Variants in GRK3 observed in about 807,000 individuals in gnomAD.
GRK3 encodes the protein G protein-coupled receptor kinase 3, also known as adrenergic, beta, receptor kinase 2.
Under a neutral mutation model 95.7 loss-of-function variants are expected in GRK3, and 54 were observed. The ratio of observed to expected loss-of-function variants is 0.56; its 90% confidence interval spans 0.45 to 0.71. GRK3 has a LOEUF of 0.71. Ranked by LOEUF, GRK3 falls within the 30% of genes least tolerant of loss-of-function variation. The probability of loss-of-function intolerance (pLI) is 0.00; values close to 1 mark genes in which losing one functional copy is unlikely to be tolerated. For synonymous variants in GRK3, 281 were observed against 290.8 expected, an observed-to-expected ratio of 0.97 and a Z score of 0.34; for missense variants, 649 against 851.2, an observed-to-expected ratio of 0.76 and a Z score of 2.96.
At position 25,728,795 on chromosome 22, in the gene GRK3, G is replaced by C. The variant is rs2085494060; in HGVS notation, c.*6345G>C. 6.6e-6 allele frequency: 1 copy of C among 152,118 alleles called. No individual in the cohort carries two copies. Among genetic ancestry groups the C allele is most frequent in the Non-Finnish European group, 1.5e-5 (1 of 68,028 alleles). The allele number at this position is 152,118 out of a possible 1,614,324, so 9.4% of individuals were successfully genotyped here. ...CATACATGACTGAAACTTTGTGAGA[G>C]GTCTTATATTTGAATGGACCCTTAA... On this transcript the variant is annotated 3_prime_UTR_variant, in exon 21 of 21. Transcript: ENST00000324198.
Position 25,675,660 on chromosome 22 carries a change from T to A in GRK3, c.647+1132T>A, listed in dbSNP as rs372596748. On this transcript the variant is annotated intron_variant, in intron 8 of 20. Transcript: ENST00000324198. ...GGGAGAAGGGGTGTTTGAGGCCCCCTAATTCAGTGCCTGCCTCCGGTCAGC... is the reference window on the plus strand; with the variant it reads ...GGGAGAAGGGGTGTTTGAGGCCCCCAAATTCAGTGCCTGCCTCCGGTCAGC... Among the ~76,000 whole-genome samples the A allele has an allele frequency of 1.8e-4, 27 of 152,342 alleles. No individual in the cohort carries two copies. The East Asian group carries it at 3.5e-3, about 20-fold the overall frequency.
chr22:25,686,094 C>T (rs1213567672), intron 10 of GRK3, among the ~76,000 whole-genome samples: 21 of 151,330 alleles, frequency 1.4e-4, no homozygotes, highest in East Asian at 1.9e-4. Flanking sequence ...TGGTGGTGGG[C>T]GCCTATAGTC....
rs189998454 is a variant in GRK3, at chr22:25,679,296, C to T, written c.747+381C>T. 1.2e-4 allele frequency among the ~76,000 whole-genome samples: 18 copies of T among 152,212 alleles called. 1 individual carries two copies. The highest frequency in any genetic ancestry group is 9.8e-4 in the Admixed American group (15 of 15,292). ...AAAAGTGGCTTCTGTCCTTCAGAAG[C>T]GAATCGAGAGAAGCGACTTGGATTA... On this transcript the variant is annotated intron_variant, in intron 9 of 20. Coordinates refer to ENST00000324198, the MANE Select transcript of GRK3 (RefSeq NM_005160.4).
chr22:25,605,669 T>C (rs1290969357), intron 2 of GRK3, among the ~76,000 whole-genome samples: 1 of 152,268 alleles, frequency 6.6e-6, no homozygotes, highest in Non-Finnish European at 1.5e-5. Flanking sequence ...CCATCTGCAC[T>C]GCCTAATTTT....
intron 19 of GRK3, among the ~76,000 whole-genome samples, chr22:25,719,194 G>T (rs1216700313): frequency 6.8e-6 from 1 of 146,644 alleles, no homozygotes; most frequent in Admixed American, 6.7e-5. Flanking sequence ...GTCAAGTGCT[G>T]TTAAAAAAAA....
intron 1 of GRK3, among the ~76,000 whole-genome samples, chr22:25,589,387 A>G (rs764677827): frequency 5.9e-5 from 9 of 152,198 alleles, no homozygotes; most frequent in Non-Finnish European, 1.2e-4. Context: ...CCACTTTCGT[A>G]GTAGAAAATA....
intron 19 of GRK3, among the ~76,000 whole-genome samples, chr22:25,719,914 T>G (rs2085418041): frequency 1.3e-5 from 2 of 152,350 alleles, no homozygotes; most frequent in Non-Finnish European, 2.9e-5. Flanking sequence ...TGATTACAAT[T>G]GCATATCACT....
At chr22:25,578,900 T>C (rs1390346511) in intron 1 of GRK3, among the ~76,000 whole-genome samples, 2 of 152,058 alleles carry the variant, frequency 1.3e-5, no homozygotes, top group Admixed American at 6.5e-5. Context: ...GGTAATTTAT[T>C]ATGGCTGCAA....
chr22:25,593,236 T>A (rs1487383154), intron 1 of GRK3, among the ~76,000 whole-genome samples: 1 of 152,162 alleles, frequency 6.6e-6, no homozygotes, highest in Admixed American at 6.5e-5. Context: ...ACTTCTTTGT[T>A]AAGTTTTTTG....
At chr22:25,621,693 T>C (rs2084587219) in intron 2 of GRK3, among the ~76,000 whole-genome samples, 1 of 152,228 alleles carries the variant, frequency 6.6e-6, no homozygotes, top group South Asian at 2.1e-4. Flanking sequence ...TTAGCTTTGA[T>C]GAAACTCTAT....
In GRK3 at chr22:25,617,024, G is replaced by A. The variant is rs562675528; in HGVS notation, c.190+12571G>A. On this transcript the variant is annotated intron_variant, in intron 2 of 20. Transcript: ENST00000324198. ...AGAAGATTCTTACGGGTGTGAATCA[G>A]GAGTGAAATCCCAGCTGGGACAGAG... 8.1e-4 allele frequency among the ~76,000 whole-genome samples: 124 copies of A among 152,276 alleles called. 1 individual carries two copies. Among genetic ancestry groups the A allele is most frequent in the African/African-American group, 2.1e-3 (87 of 41,550 alleles).
chr22:25,623,767 G>A (rs2084605742), intron 2 of GRK3, among the ~76,000 whole-genome samples: 1 of 152,002 alleles, frequency 6.6e-6, no homozygotes, highest in Admixed American at 6.6e-5. Context: ...ATGCCTTCTC[G>A]TCCTTGTCTC....
chr22:25,725,270 G>C lies in GRK3; in HGVS notation c.*2820G>C. 3.2e-6 allele frequency: 1 copy of C among 311,276 alleles called. No homozygotes were observed. The highest frequency in any genetic ancestry group is 5.8e-6 in the Non-Finnish European group (1 of 172,686). The allele number at this position is 311,276 out of a possible 1,614,324, so 19.3% of individuals were successfully genotyped here. A position where few individuals can be genotyped will look rare whatever the true frequency, so the allele number is the denominator to read the frequency against. On this transcript the variant is annotated 3_prime_UTR_variant, in exon 21 of 21. Transcript: ENST00000324198. ...CATTATTTTAGATTCCTGTGGTTGG[G>C]ATATTTTAACATTGATGAGAAAAAT...
At position 25,620,479 on chromosome 22, in the gene GRK3, C is replaced by G. The variant is rs540655629; in HGVS notation, c.190+16026C>G. Among the ~76,000 whole-genome samples, 3 of 152,262 alleles carry G rather than the reference C, an allele frequency of 2.0e-5. No homozygotes were observed. In the South Asian group the frequency reaches 6.2e-4, roughly 32 times the overall value. ...GCCTGCATTTGCATATCAAAGGTTG[C>G]CAGCCCGGCTCTAAGAGCAGGGGCT... On this transcript the variant is annotated intron_variant, in intron 2 of 20. Coordinates refer to ENST00000324198, the MANE Select transcript of GRK3 (RefSeq NM_005160.4).
At chr22:25,576,830 A>G (rs1931919238) in intron 1 of GRK3, among the ~76,000 whole-genome samples, 1 of 152,226 alleles carries the variant, frequency 6.6e-6, no homozygotes, top group Admixed American at 6.5e-5. Flanking sequence ...AATGCATTGT[A>G]TTCATTCAGT....
intron 9 of GRK3, among the ~76,000 whole-genome samples, chr22:25,680,294 A>G (rs2085064362): frequency 6.6e-6 from 1 of 152,220 alleles, no homozygotes; most frequent in Non-Finnish European, 1.5e-5. Flanking sequence ...TTTTTAACTG[A>G]TGAGAATGGA....
At chr22:25,579,436 G>A (rs111781689) in intron 1 of GRK3, among the ~76,000 whole-genome samples, 3,663 of 151,870 alleles carry the variant, frequency 0.024, 47 homozygotes, top group East Asian at 0.037. Flanking sequence ...TTGAGCCTCT[G>A]TGCCCGACCA....
chr22:25,582,615 T>C lies in GRK3; in HGVS notation c.113+17462T>C, dbSNP rs549664148. ...AAAGTAAAACAATGGAGATTTGCTC[T>C]AATATAAAACATTCCTCTAGCAACT... On this transcript the variant is annotated intron_variant, in intron 1 of 20. Transcript: ENST00000324198. Among the ~76,000 whole-genome samples, 9 of 152,342 alleles carry C rather than the reference T, an allele frequency of 5.9e-5. No homozygotes were observed. In the South Asian group the frequency reaches 1.9e-3, roughly 32 times the overall value.
Position 25,644,555 on chromosome 22 carries a change from A to G in GRK3, c.191-37A>G, listed in dbSNP as rs187663791. ...CCCTTGTGGGATAAAATTTCAATTA[A>G]TTGCCCACCCTGAAATTTTTTATTT... On this transcript the variant is annotated intron_variant, in intron 2 of 20. Transcript: ENST00000324198. 11 of 1,059,580 alleles carry G rather than the reference A, an allele frequency of 1.0e-5. No individual in the cohort carries two copies. In the East Asian group the frequency reaches 2.8e-4, roughly 27 times the overall value. The allele number at this position is 1,059,580 out of a possible 1,614,324, so 65.6% of individuals were successfully genotyped here. A position where few individuals can be genotyped will look rare whatever the true frequency, so the allele number is the denominator to read the frequency against.
Sources: allele counts gnomAD v4.1 joint callset (sites outside exome capture counted in the v4.1 genomes callset), GRCh38; gene constraint gnomAD v4.1.1; transcripts MANE v1.5; gene names NCBI Gene and HGNC (gene_info 2026-07-23, HGNC 2026-07-21).